LEPR: variants seen among roughly 807,000 people sequenced by gnomAD.
LEPR encodes OB receptor.
In LEPR, 56 loss-of-function variants were observed where a neutral mutation model predicts 114.7. The ratio of observed to expected loss-of-function variants is 0.49; its 90% confidence interval spans 0.39 to 0.61. LEPR has a LOEUF of 0.61. Among genes scored for constraint, LEPR ranks in the 20% least tolerant of loss-of-function variants. The pLI is 0.00. For synonymous variants in LEPR, 443 were observed against 461.4 expected, an observed-to-expected ratio of 0.96 and a Z score of 0.51; for missense variants, 1,202 against 1,352.9, an observed-to-expected ratio of 0.89 and a Z score of 1.75.
chr1:65,463,886 CTT>C (rs1646977086), intron 2 of LEPR, among the ~76,000 whole-genome samples: 1 of 152,146 alleles, frequency 6.6e-6, no homozygotes, highest in African/African-American at 2.4e-5. Flanking sequence ...TATCCTGAGA[CTT>C]TGTTGAAGTT....
At chr1:65,455,626 G>T (rs971546664) in intron 2 of LEPR, among the ~76,000 whole-genome samples, 1 of 152,328 alleles carries the variant, frequency 6.6e-6, no homozygotes, top group East Asian at 1.9e-4. Flanking sequence ...ACTTGAGGAG[G>T]CAGTCTGTCC....
Position 65,608,898 on chromosome 1 carries a change from G to T in LEPR, c.1749G>T (p.Trp583Cys). The T allele has an allele frequency of 6.2e-7, 1 of 1,613,602 alleles. No homozygotes were observed. Among genetic ancestry groups the T allele is most frequent in the South Asian group, 1.1e-5 (1 of 91,026 alleles). ...GTTTAAGTGGAAAAGAAGTACAATG[G>T]AAGGTACCTTTTACTTAGAACTTCA... Reference protein sequence around the residue: ...RYGLSGKEVQWKMYEVYDAKS... With the variant: ...RYGLSGKEVQCKMYEVYDAKS... The change falls in exon 12 of 20, where the codon TGG (tryptophan) becomes TGT (cysteine). Residue 583 changes from tryptophan to cysteine, a missense_variant. Trp to Cys is a radical substitution (Grantham distance 215). Coordinates refer to ENST00000349533, the MANE Select transcript of LEPR (RefSeq NM_002303.6).
At chr1:65,469,810 C>T (rs541764473) in intron 2 of LEPR, among the ~76,000 whole-genome samples, 5 of 152,332 alleles carry the variant, frequency 3.3e-5, no homozygotes, top group South Asian at 4.1e-4. Context: ...CCAATAAGTG[C>T]GTGCCGTATT....
chr1:65,475,518 T>C (rs1232100083), intron 2 of LEPR, among the ~76,000 whole-genome samples: 1 of 152,216 alleles, frequency 6.6e-6, no homozygotes, highest in Non-Finnish European at 1.5e-5. Flanking sequence ...ACCCTGGAGC[T>C]GCATGGTCCC....
At chr1:65,585,144 A>G (rs999066701) in intron 5 of LEPR, among the ~76,000 whole-genome samples, 1 of 152,008 alleles carries the variant, frequency 6.6e-6, no homozygotes, top group Non-Finnish European at 1.5e-5. Flanking sequence ...TCAGTCTCAA[A>G]TTATTTTGGA....
chr1:65,428,901 C>T (rs755576507), intron 2 of LEPR, among the ~76,000 whole-genome samples: 1 of 151,946 alleles, frequency 6.6e-6, no homozygotes, highest in Non-Finnish European at 1.5e-5. Context: ...TTGCATTACA[C>T]TATTAATTGT....
At chr1:65,498,456 A>G (rs1327855141) in intron 2 of LEPR, among the ~76,000 whole-genome samples, 2 of 152,160 alleles carry the variant, frequency 1.3e-5, no homozygotes, top group Non-Finnish European at 2.9e-5. Context: ...AAAAAACTGT[A>G]AAAGAGAGTG....
At chr1:65,451,991 C>A (rs888202757) in intron 2 of LEPR, among the ~76,000 whole-genome samples, 3 of 151,278 alleles carry the variant, frequency 2.0e-5, no homozygotes, top group Admixed American at 1.3e-4. Context: ...AGAGGTCCTT[C>A]ACATCCCTTG....
chr1:65,520,183 T>C (rs1325180935), intron 2 of LEPR, among the ~76,000 whole-genome samples: 1 of 152,144 alleles, frequency 6.6e-6, no homozygotes, highest in East Asian at 1.9e-4. Context: ...TTTTTAAATA[T>C]AGGGTCTTGC....
At chr1:65,534,964 T>C (rs1336582609) in intron 2 of LEPR, among the ~76,000 whole-genome samples, 1 of 152,202 alleles carries the variant, frequency 6.6e-6, no homozygotes, top group Non-Finnish European at 1.5e-5. Flanking sequence ...CTTTAGCCGC[T>C]GTTATTTGGG....
intron 5 of LEPR, among the ~76,000 whole-genome samples, chr1:65,578,760 A>C (rs1271645071): frequency 6.6e-6 from 1 of 152,190 alleles, no homozygotes; most frequent in African/African-American, 2.4e-5. Flanking sequence ...GGGAAGGAAA[A>C]GATTGAGAAG....
chr1:65,540,270 A>G (rs949208041), intron 2 of LEPR, among the ~76,000 whole-genome samples: 1 of 152,098 alleles, frequency 6.6e-6, no homozygotes, highest in Non-Finnish European at 1.5e-5. Context: ...GTTATACCTC[A>G]TTAGTCTTTG....
chr1:65,619,232 C>T (rs187957164), intron 16 of LEPR, among the ~76,000 whole-genome samples: 9 of 152,192 alleles, frequency 5.9e-5, no homozygotes, highest in Admixed American at 2.6e-4. Context: ...ACCACTGATG[C>T]GCAGGTAGTT....
intron 10 of LEPR, among the ~76,000 whole-genome samples, chr1:65,603,595 A>C (rs574603268): frequency 6.6e-6 from 1 of 152,308 alleles, no homozygotes; most frequent in African/African-American, 2.4e-5. Context: ...AGTTTGTCCA[A>C]CCCATGGCCT....
intron 2 of LEPR, chr1:65,433,095 G>A: frequency 1.0e-6 from 1 of 985,418 alleles, no homozygotes; most frequent in Non-Finnish European, 1.2e-6. Context: ...TTAGCAGGAG[G>A]GGGAGAACAG....
chr1:65,617,208 G>A (rs1179885177), intron 15 of LEPR, among the ~76,000 whole-genome samples: 2 of 152,098 alleles, frequency 1.3e-5, no homozygotes, highest in African/African-American at 4.8e-5. Context: ...AATCATACAA[G>A]TGAATGTCTA....
At chr1:65,598,469 T>C (rs1656228475) in intron 7 of LEPR, among the ~76,000 whole-genome samples, 191 bp from the exon 8 acceptor site, 1 of 152,154 alleles carries the variant, frequency 6.6e-6, no homozygotes, top group Non-Finnish European at 1.5e-5. Flanking sequence ...CCATGGGCTA[T>C]TTAAAATTTT....
chr1:65,574,694 A>C (rs941728975), intron 5 of LEPR, among the ~76,000 whole-genome samples: 7 of 152,258 alleles, frequency 4.6e-5, no homozygotes, highest in Non-Finnish European at 1.0e-4. Flanking sequence ...GAATGAATAC[A>C]TATTGCCAAA....
chr1:65,595,371 C>G (rs1362474181), intron 6 of LEPR, among the ~76,000 whole-genome samples: 1 of 152,022 alleles, frequency 6.6e-6, no homozygotes, highest in African/African-American at 2.4e-5. Context: ...CAGTTTGATA[C>G]TGATAACTTT....
Sources: gnomAD v4.1 joint callset for allele counts (sites outside exome capture counted in the v4.1 genomes callset) on GRCh38, gnomAD v4.1.1 for gene constraint, MANE v1.5 for transcripts, NCBI Gene and HGNC (gene_info 2026-07-23, HGNC 2026-07-21) for gene names.